Variants in RBFOX1 observed in about 807,000 individuals in gnomAD.
RBFOX1 encodes the protein RNA binding fox-1 homolog 1.
Under a neutral mutation model 57.7 loss-of-function variants are expected in RBFOX1, and 8 were observed. The ratio of observed to expected loss-of-function variants is 0.14; its 90% CI spans 0.08 to 0.25. RBFOX1 has a LOEUF of 0.25. Ranked by LOEUF, RBFOX1 falls within the 10% of genes least tolerant of loss-of-function variation. The pLI, the probability that RBFOX1 is intolerant of heterozygous loss-of-function variation, is 1.00. For missense variants in RBFOX1, 611 were observed against 548.5 expected (o/e 1.11, Z -1.14); for synonymous variants, 326 against 222.4 (o/e 1.47, Z -4.15).
intron 2 of RBFOX1, among the ~76,000 whole-genome samples, chr16:5,591,693 C>A (rs1200905044): frequency 6.6e-6 from 1 of 152,142 alleles, no homozygotes; most frequent in East Asian, 1.9e-4. Context: ...TGTTTTCTCC[C>A]CGTCATTCCA....
At position 6,012,399 on chromosome 16, in the gene RBFOX1, G is replaced by A. The variant is rs898875273; in HGVS notation, c.351+145064G>A. Among the ~76,000 whole-genome samples, 4 of 152,312 alleles carry A rather than the reference G, an allele frequency of 2.6e-5. No individual in the cohort carries two copies. The South Asian group carries it at 8.3e-4, about 32-fold the overall frequency. On this transcript the variant is annotated intron_variant, in intron 4 of 19. Coordinates refer to the RBFOX1 transcript ENST00000641259. The stretch of plus-strand genomic sequence containing the variant: ...ATGTTGGTGAGGATGCTTTAGAACA[G>A]TGGTTCCTACCTGGGAAGATTTTGC...
At chr16:6,662,994 T>G (rs925057632) in intron 3 of RBFOX1, among the ~76,000 whole-genome samples, 14 of 152,200 alleles carry the variant, frequency 9.2e-5, no homozygotes, top group African/African-American at 2.7e-4. Context: ...AAACACTGTT[T>G]TCTACTGGTG....
At chr16:6,833,899 G>A (rs899622494) in intron 3 of RBFOX1, among the ~76,000 whole-genome samples, 6 of 151,966 alleles carry the variant, frequency 3.9e-5, no homozygotes, top group Non-Finnish European at 8.8e-5. Flanking sequence ...GAGGAACCTG[G>A]CAAGGTTGAT....
rs949543913 is a variant in RBFOX1, at chr16:5,821,003, C to T, written c.319-46300C>T. ...GGAGGGCAGGAAGGAGGTTTGCTGG[C>T]CACCAGTCCTCAAGTGCCTGATTTT... On this transcript the variant is annotated intron_variant, in intron 3 of 19. Coordinates refer to the RBFOX1 transcript ENST00000641259. Among the ~76,000 whole-genome samples the T allele has an allele frequency of 6.6e-5, 10 of 152,280 alleles. 1 individual carries two copies. In the South Asian group the frequency reaches 1.2e-3, roughly 19 times the overall value.
intron 4 of RBFOX1, among the ~76,000 whole-genome samples, chr16:5,988,710 C>G (rs1396336765): frequency 6.6e-6 from 1 of 152,176 alleles, no homozygotes; most frequent in Non-Finnish European, 1.5e-5. Flanking sequence ...CAGGAAGTGC[C>G]TGTCAGGGTG....
At chr16:5,704,685 C>T (rs1169208468) in intron 3 of RBFOX1, among the ~76,000 whole-genome samples, 1 of 152,094 alleles carries the variant, frequency 6.6e-6, no homozygotes, top group East Asian at 1.9e-4. Context: ...TCTGAGGTGG[C>T]TAGGGTTTCA....
At chr16:6,816,999 C>T (rs1026144457) in intron 3 of RBFOX1, among the ~76,000 whole-genome samples, 6 of 152,136 alleles carry the variant, frequency 3.9e-5, no homozygotes, top group Admixed American at 2.0e-4. Flanking sequence ...CCCACTGCCT[C>T]TGCCTCCCAA....
At position 7,669,526 on chromosome 16, in the gene RBFOX1, C is replaced by T. The variant is rs143150235; in HGVS notation, c.930+4558C>T. Among the ~76,000 whole-genome samples, 1,157 of 152,194 alleles carry T rather than the reference C, an allele frequency of 7.6e-3. 15 individuals carry two copies. Among genetic ancestry groups the T allele is most frequent in the African/African-American group, 0.026 (1,099 of 41,526 alleles). On this transcript the variant is annotated intron_variant, in intron 13 of 15. Coordinates refer to ENST00000550418, the MANE Select transcript of RBFOX1 (RefSeq NM_018723.4). ...TCCTTTTTATTAAGAACATCCTAAG[C>T]GTCCTAACATTAGACGCAACCATGA...
intron 4 of RBFOX1, among the ~76,000 whole-genome samples, chr16:7,481,041 A>G (rs995859569): frequency 4.0e-5 from 6 of 151,878 alleles, no homozygotes; most frequent in Non-Finnish European, 7.3e-5. Context: ...CTCTTGAGAC[A>G]AAACATCCTG....
chr16:6,945,745 G>T (rs59209683), intron 3 of RBFOX1, among the ~76,000 whole-genome samples: 7,882 of 152,196 alleles, frequency 0.052, 677 homozygotes, highest in African/African-American at 0.18. Context: ...ATACAAATTA[G>T]CTGAGGGTGG....
rs138147346 is a variant in RBFOX1 at position 6,862,754 on chromosome 16, G to C, written c.-15-189303G>C. 1.5e-3 allele frequency among the ~76,000 whole-genome samples: 224 copies of C among 152,276 alleles called. 2 individuals are homozygous for C. The highest frequency in any genetic ancestry group is 6.8e-3 in the Middle Eastern group (2 of 294). On this transcript the variant is annotated intron_variant, in intron 3 of 15. Coordinates refer to ENST00000550418, the MANE Select transcript of RBFOX1 (RefSeq NM_018723.4). ...AATCCCGGCGCTTTGTAAGGCCGAG[G>C]CTGGTGGATCACCTGAGGTCAGGAG...
intron 3 of RBFOX1, among the ~76,000 whole-genome samples, chr16:6,914,925 A>G (rs1324290373): frequency 6.6e-6 from 1 of 152,198 alleles, no homozygotes; most frequent in African/African-American, 2.4e-5. Context: ...GACAGCCCTC[A>G]CTCACATAAC....
intron 1 of RBFOX1, among the ~76,000 whole-genome samples, chr16:5,269,509 C>G (rs1311944407): frequency 6.6e-6 from 1 of 152,228 alleles, no homozygotes; most frequent in African/African-American, 2.4e-5. Flanking sequence ...TGAATGTTGT[C>G]TACCCACATG....
chr16:6,330,032 T>C (rs2082821458), intron 2 of RBFOX1, among the ~76,000 whole-genome samples: 1 of 152,188 alleles, frequency 6.6e-6, no homozygotes, highest in Non-Finnish European at 1.5e-5. Context: ...TTCTACTGTG[T>C]AGCTTTCCTT....
intron 4 of RBFOX1, among the ~76,000 whole-genome samples, chr16:7,177,411 C>G (rs925612394): frequency 6.6e-6 from 1 of 151,728 alleles, no homozygotes; most frequent in Non-Finnish European, 1.5e-5. Flanking sequence ...AATACCCTGA[C>G]TTGATCCTTA....
chr16:6,698,711 G>A (rs1181031689), intron 3 of RBFOX1, among the ~76,000 whole-genome samples: 2 of 152,076 alleles, frequency 1.3e-5, no homozygotes, highest in Non-Finnish European at 2.9e-5. Context: ...CCCACCTGCT[G>A]TCCTCCAAGC....
chr16:5,568,507 G>C (rs1210332602), intron 2 of RBFOX1, among the ~76,000 whole-genome samples: 1 of 152,176 alleles, frequency 6.6e-6, no homozygotes, highest in African/African-American at 2.4e-5. Context: ...GCAGAGAGCA[G>C]CGTAAAGGTC....
intron 1 of RBFOX1, among the ~76,000 whole-genome samples, chr16:6,288,850 G>A (rs1019086916): frequency 3.9e-5 from 6 of 152,076 alleles, no homozygotes; most frequent in Admixed American, 3.3e-4. Flanking sequence ...ATTGAATAGG[G>A]TTGGAATTCT....
At chr16:6,055,582 G>A (rs1057199934) in intron 1 of RBFOX1, among the ~76,000 whole-genome samples, 1 of 103,450 alleles carries the variant, frequency 9.7e-6, no homozygotes, top group East Asian at 3.2e-4. Context: ...AACAGAGTGA[G>A]ACTCCGTCAA....
Sources: allele counts gnomAD v4.1 joint callset (sites outside exome capture counted in the v4.1 genomes callset), GRCh38; gene constraint gnomAD v4.1.1; transcripts MANE v1.5; gene names NCBI Gene and HGNC (gene_info 2026-07-23, HGNC 2026-07-21).